The following HCFC1 variants were observed in gnomAD, a reference collection of about 807,000 sequenced individuals.
HCFC1 encodes host cell factor C1.
In HCFC1, 7 loss-of-function variants were observed where a neutral mutation model predicts 105.5. That is an observed-to-expected ratio of 0.07 (90% CI 0.04 to 0.12). The LOEUF (loss-of-function observed/expected upper bound fraction) is 0.12. Ranked by LOEUF, HCFC1 falls within the 10% of genes least tolerant of loss-of-function variation. HCFC1 has a pLI of 1.00. For missense variants in HCFC1, 1,065 were observed against 1,823.6 expected (o/e 0.58, Z 7.58); for synonymous variants, 918 against 828.1 (o/e 1.11, Z -1.86).
Position 153,959,909 on chromosome X carries a change from G to C in HCFC1, c.1337C>G (p.Thr446Arg). Residue 446 changes from threonine (T) to arginine (R), a missense_variant, in exon 8 of 26, where the codon ACG (threonine) becomes AGG (arginine). By Grantham distance (71) the Thr-to-Arg change is moderately conservative (BLOSUM62 -1). Transcript: ENST00000310441. Reference protein sequence around the residue: ...AVQPLTQVGITLLPQAAPAPP... With the variant: ...AVQPLTQVGIRLLPQAAPAPP... Reference sequence around the variant, plus strand: ...TGCGGGGGCAGCCTGGGGCAGGAGCGTGATGCCTACTTGGGTCAGCGGCTG... The same window carrying C: ...TGCGGGGGCAGCCTGGGGCAGGAGCCTGATGCCTACTTGGGTCAGCGGCTG... 1 of 1,206,650 alleles carries C rather than the reference G, an allele frequency of 8.3e-7. No individual in the cohort carries two copies. Among genetic ancestry groups the C allele is most frequent in the Non-Finnish European group, 1.1e-6 (1 of 891,898 alleles).
In HCFC1 at chrX:153,964,026, G is replaced by A. The variant is rs143401013; in HGVS notation, c.503+98C>T. The A allele has an allele frequency of 3.7e-3, 2,725 of 741,786 alleles. 66 individuals are homozygous for A. In the African/African-American group the frequency reaches 0.053, roughly 15 times the overall value. 61.1% of individuals were successfully genotyped at this position (741,786 alleles called of 1,213,427 possible). A position where few individuals can be genotyped will look rare whatever the true frequency, so the allele number is the denominator to read the frequency against. ...CAGCACGAGAAAGGGACCCGGCCAC[G>A]GGGCTCTGCTGCGCACATTCTTTAG... On this transcript the variant is annotated intron_variant, in intron 3 of 25. Coordinates refer to ENST00000310441, the MANE Select transcript of HCFC1 (RefSeq NM_005334.3).
At chrX:153,950,751 T>G in intron 23 of HCFC1, 62 bp downstream of exon 23, 2 of 1,069,860 alleles carry the variant, frequency 1.9e-6, no homozygotes, top group Non-Finnish European at 2.6e-6. Flanking sequence ...CCCGGCCACC[T>G]CATGTGCTGA....
At chrX:153,952,418 A>C in intron 19 of HCFC1, 96 bp downstream of exon 19, 1 of 968,434 alleles carries the variant, frequency 1.0e-6, no homozygotes, top group Non-Finnish European at 1.4e-6. Context: ...GGCTCATGCC[A>C]CCCTCGAGGG....
rs1490849603 is a variant in HCFC1 at position 153,949,539 on chromosome X, G to A, written c.6068+14C>T. On this transcript the variant is annotated intron_variant, in intron 25 of 25. Coordinates refer to ENST00000310441, the MANE Select transcript of HCFC1 (RefSeq NM_005334.3). ...CTAGTCTCAGAAGGTTCCCGAGAGGGGCTTCCTGCTTACATTTCTGGAGAG... is the reference window on the plus strand; with the variant it reads ...CTAGTCTCAGAAGGTTCCCGAGAGGAGCTTCCTGCTTACATTTCTGGAGAG... 3 of 1,204,428 alleles carry A rather than the reference G, an allele frequency of 2.5e-6. No homozygotes were observed. Among genetic ancestry groups the A allele is most frequent in the Non-Finnish European group, 3.4e-6 (3 of 889,765 alleles).
rs2065355787 is a variant in HCFC1 at position 153,954,787 on chromosome X, G to A, written c.3612C>T (p.Arg1204=). The A allele has an allele frequency of 4.3e-6, 5 of 1,166,423 alleles. No individual in the cohort carries two copies. Among genetic ancestry groups the A allele is most frequent in the Non-Finnish European group, 5.7e-6 (5 of 873,947 alleles). ...GPSMAREPGG[R]SPAFVQLAPL... ...GGGCCAACTGCACAAAAGCAGGGCTGCGGCCCCCGGGCTCCCGTGCCATGC... is the reference window on the plus strand; with the variant it reads ...GGGCCAACTGCACAAAAGCAGGGCTACGGCCCCCGGGCTCCCGTGCCATGC... Residue 1204 remains arginine, a synonymous_variant, in exon 17 of 26, where the codon CGC becomes CGT. Transcript: ENST00000310441.
intron 1 of HCFC1, 99 bp downstream of exon 1, chrX:153,970,549 G>T: frequency 3.7e-6 from 2 of 543,931 alleles, no homozygotes; most frequent in Non-Finnish European, 6.0e-6. Flanking sequence ...AGGGAGGGAG[G>T]AGAGGGAGGG....
chrX:153,953,078 T>C, intron 18 of HCFC1, 120 bp from the exon 19 acceptor site: 3 of 586,871 alleles, frequency 5.1e-6, no homozygotes, highest in Non-Finnish European at 8.7e-6. Context: ...GTCTCAGTCA[T>C]TGATGAGATC....
rs1051153 is a variant in HCFC1, at chrX:153,952,911, C to G, written c.4545G>C (p.Pro1515=). 8.5e-7 allele frequency: 1 copy of G among 1,180,271 alleles called. No individual in the cohort carries two copies. Among genetic ancestry groups the G allele is most frequent in the Admixed American group, 2.4e-5 (1 of 41,426 alleles). ...QVSPGPRQQL[P]PRQLLQSAST... ...AAGCCGACTGCAGAAGCTGCCGTGG[C>G]GGCAGCTGCTGGCGAGGACCTGGCG... Residue 1515 remains proline (P), a synonymous_variant, in exon 19 of 26, where the codon CCG becomes CCC. Coordinates refer to ENST00000310441, the MANE Select transcript of HCFC1 (RefSeq NM_005334.3).
At chrX:153,953,020 G>T in intron 18 of HCFC1, 62 bp from the exon 19 acceptor site, 1 of 988,852 alleles carries the variant, frequency 1.0e-6, no homozygotes, top group Non-Finnish European at 1.4e-6. Flanking sequence ...TATGGTCACT[G>T]TTATTTTGGC....
chrX:153,955,212 T>A lies in HCFC1; in HGVS notation c.3187A>T (p.Thr1063Ser), dbSNP rs1557114455. ...QEAAASLVTS[T>S]VGQQNGSVVR... ...ACGCTACCATTCTGCTGGCCCACAG[T>A]CGAGGTCACAAGAGAAGCAGCTGCC... The change falls in exon 17 of 26, where the codon ACT becomes TCT. Residue 1063 changes from threonine to serine, a missense_variant. This residue lies in a region of HCFC1 where 546 missense variants were observed against 599.9 expected (regional missense o/e 0.91). Transcript: ENST00000310441. The A allele has an allele frequency of 5.0e-6, 6 of 1,210,921 alleles. No individual in the cohort carries two copies. The South Asian group carries it at 1.1e-4, about 21-fold the overall frequency.
At chrX:153,965,612 C>T (rs1227295647) in intron 1 of HCFC1, among the ~76,000 whole-genome samples, 6 of 112,345 alleles carry the variant, frequency 5.3e-5, no homozygotes, top group Non-Finnish European at 9.4e-5. Context: ...GCAACCCCGA[C>T]TCTGTGCCTC....
At position 153,955,049 on chromosome X, in the gene HCFC1, G is replaced by A; in HGVS notation, c.3350C>T (p.Thr1117Ile). The change falls in exon 17 of 26, where the codon ACC (threonine) becomes ATC (isoleucine). Residue 1117 changes from threonine to isoleucine, a missense_variant. Transcript: ENST00000310441. ...PPCETHETGT[T>I]NTATTAMSSV... The stretch of plus-strand genomic sequence containing the variant: ...CGACATGGCTGTAGTGGCAGTGTTG[G>A]TGGTGCCCGTCTCGTGGGTCTCGCA... The A allele has an allele frequency of 8.3e-7, 1 of 1,211,293 alleles. No individual in the cohort carries two copies. The highest frequency in any genetic ancestry group is 1.1e-6 in the Non-Finnish European group (1 of 895,201).
At chrX:153,953,827 G>T in intron 17 of HCFC1, 57 bp from the exon 18 acceptor site, 1 of 1,109,304 alleles carries the variant, frequency 9.0e-7, no homozygotes, top group Non-Finnish European at 1.2e-6. Flanking sequence ...CCTGTACTTG[G>T]CTTGACCACC....
chrX:153,966,427 G>A (rs1557118393), intron 1 of HCFC1, among the ~76,000 whole-genome samples: 2 of 112,412 alleles, frequency 1.8e-5, no homozygotes, highest in African/African-American at 3.2e-5. Flanking sequence ...CTAAAGCAGA[G>A]GGACAACACC....
Position 153,956,713 on chromosome X carries a change from C to G in HCFC1, c.2547G>C (p.Val849=). Residue 849 remains valine, a synonymous_variant, in exon 15 of 26, where the codon GTG becomes GTC. Transcript: ENST00000310441. ...TGACCAGGCGAACACCCCCCATGGG[C>G]ACAGTGCGGAGGATGGTGCCTGGCT... ...PGQPGTILRT[V]PMGGVRLVTP... 8.3e-7 allele frequency: 1 copy of G among 1,211,574 alleles called. No individual in the cohort carries two copies. Among genetic ancestry groups the G allele is most frequent in the South Asian group, 1.8e-5 (1 of 57,015 alleles).
chrX:153,962,815 G>T (rs139967353), intron 4 of HCFC1, among the ~76,000 whole-genome samples: 23 of 111,364 alleles, frequency 2.1e-4, no homozygotes, highest in African/African-American at 7.5e-4. Context: ...CCTGGTGACC[G>T]GCCCAAGCAG....
At chrX:153,953,917 G>T in intron 17 of HCFC1, 147 bp from the exon 18 acceptor site, 2 of 882,541 alleles carry the variant, frequency 2.3e-6, no homozygotes, top group Non-Finnish European at 3.1e-6. Context: ...TTCAGGTACA[G>T]CCAGGACGCC....
At position 153,962,270 on chromosome X, in the gene HCFC1, A is replaced by G; in HGVS notation, c.749T>C (p.Val250Ala). Residue 250 changes from valine (V) to alanine (A), a missense_variant, in exon 5 of 26, where the codon GTG (valine) becomes GCG (alanine). This residue lies in a region of HCFC1 where 13 missense variants were observed against 16.0 expected (regional missense o/e 0.81). Transcript: ENST00000310441. ...GTGGAGACTGCGAGGAAGAGGCGCC[A>G]CCCCGCTGAGACTGGGCTTATTCCA... ...LTWNKPSLSG[V>A]APLPRSLHSA... is the part of the protein sequence containing the mutation. The G allele has an allele frequency of 8.3e-7, 1 of 1,210,181 alleles. No individual in the cohort carries two copies. Among genetic ancestry groups the G allele is most frequent in the Non-Finnish European group, 1.1e-6 (1 of 894,512 alleles).
At chrX:153,961,926 A>G (rs2065432614) in intron 5 of HCFC1, among the ~76,000 whole-genome samples, 1 of 111,796 alleles carries the variant, frequency 8.9e-6, no homozygotes, top group African/African-American at 3.3e-5. Context: ...GACATCCACA[A>G]AGACACCCAG....
Sources: allele counts gnomAD v4.1 joint callset (sites outside exome capture counted in the v4.1 genomes callset), GRCh38; gene constraint gnomAD v4.1.1; regional missense constraint gnomAD v4.1.1; transcripts MANE v1.5; gene names NCBI Gene and HGNC (gene_info 2026-07-23, HGNC 2026-07-21).